Variants in RSPO1 observed in about 807,000 individuals in gnomAD.
RSPO1 encodes R-spondin-1.
Under a neutral mutation model 26.0 loss-of-function variants are expected in RSPO1, and 18 were observed. The observed-to-expected ratio is 0.69, with a 90% CI of 0.48 to 1.03. RSPO1 has a LOEUF of 1.03. RSPO1 is among the 50% of genes least tolerant of loss of function. RSPO1 has a pLI of 0.00. For missense variants in RSPO1, 309 were observed against 352.3 expected (o/e 0.88, Z 0.98); for synonymous variants, 133 against 137.4 (o/e 0.97, Z 0.22).
In RSPO1 at chr1:37,614,352, G is replaced by C; in HGVS notation, c.287-19C>G. 1 of 1,613,082 alleles carries C rather than the reference G, an allele frequency of 6.2e-7. No homozygotes were observed. Among genetic ancestry groups the C allele is most frequent in the African/African-American group, 1.3e-5 (1 of 75,008 alleles). ...TTGCATTCTGAGGAGAGGACAGATT[G>C]GGGGCTTCTGGCCCAGCCTGGTGAG... is the stretch of plus-strand genomic sequence containing the variant. On this transcript the variant is annotated intron_variant, in intron 4 of 6. Transcript: ENST00000356545.
chr1:37,624,231 G>T (rs968579634), intron 3 of RSPO1, among the ~76,000 whole-genome samples: 1 of 152,108 alleles, frequency 6.6e-6, no homozygotes, highest in Non-Finnish European at 1.5e-5. Context: ...GACCAGCCTT[G>T]GCAACATAGT....
intron 2 of RSPO1, chr1:37,632,040 G>A (rs1435974509): frequency 6.6e-6 from 1 of 152,154 alleles, no homozygotes; most frequent in Non-Finnish European, 1.5e-5. Flanking sequence ...AGACAAACTT[G>A]GTGTTAACCC....
chr1:37,613,682 G>A lies in RSPO1; in HGVS notation c.625+22C>T, dbSNP rs1378873314. ...GCTGGTGCCTGAGCCCTGACCCCAG[G>A]GAGGCAGAGGCTGCAGCTCACCCTC... is the stretch of plus-strand genomic sequence containing the variant. On this transcript the variant is annotated intron_variant, in intron 6 of 6. Coordinates refer to ENST00000356545, the MANE Select transcript of RSPO1 (RefSeq NM_001242908.2). The surrounding 1 kb of genome is among the most constrained non-coding windows in gnomAD (Gnocchi z 4.5). The A allele has an allele frequency of 6.2e-7, 1 of 1,600,414 alleles. No homozygotes were observed. Among genetic ancestry groups the A allele is most frequent in the East Asian group, 2.2e-5 (1 of 44,712 alleles).
At chr1:37,628,921 A>G (rs1644317245) in intron 3 of RSPO1, among the ~76,000 whole-genome samples, 1 of 152,216 alleles carries the variant, frequency 6.6e-6, no homozygotes, top group Non-Finnish European at 1.5e-5. Flanking sequence ...GATGCTCATT[A>G]CCAAAAGCAG....
At position 37,625,757 on chromosome 1, in the gene RSPO1, C is replaced by T. The variant is rs111669485; in HGVS notation, c.94+3811G>A. 4.4e-3 allele frequency among the ~76,000 whole-genome samples: 662 copies of T among 151,874 alleles called. 6 individuals are homozygous for T. Among genetic ancestry groups the T allele is most frequent in the African/African-American group, 0.015 (633 of 41,414 alleles). ...GTAATGGCACAATCTCAGTTCACTG[C>T]AACCTCCGCCTCCCAGGTACAAGCG... On this transcript the variant is annotated intron_variant, in intron 3 of 6. Coordinates refer to ENST00000356545, the MANE Select transcript of RSPO1 (RefSeq NM_001242908.2).
chr1:37,621,956 C>T (rs892126156), intron 3 of RSPO1, among the ~76,000 whole-genome samples: 3 of 151,930 alleles, frequency 2.0e-5, no homozygotes, highest in African/African-American at 4.8e-5. Context: ...CACATGCCAC[C>T]GTGCTTGGCT....
intron 2 of RSPO1, among the ~76,000 whole-genome samples, chr1:37,631,228 C>T (rs1267007225): frequency 4.6e-5 from 7 of 152,194 alleles, no homozygotes; most frequent in Admixed American, 4.6e-4. Context: ...TTGGCCTCTC[C>T]CGCTGGCTTT....
chr1:37,628,173 T>TTC (rs956488723), intron 3 of RSPO1, among the ~76,000 whole-genome samples: 3 of 150,914 alleles, frequency 2.0e-5, no homozygotes, highest in South Asian at 2.1e-4. Context: ...GTTCCTCCCA[T>TTC]TCTCTCTCTC....
At chr1:37,628,163 G>T (rs1644305607) in intron 3 of RSPO1, among the ~76,000 whole-genome samples, 1 of 152,098 alleles carries the variant, frequency 6.6e-6, no homozygotes, top group Non-Finnish European at 1.5e-5. Context: ...AATGTGAATG[G>T]TTCCTCCCAT....
intron 4 of RSPO1, among the ~76,000 whole-genome samples, chr1:37,615,984 T>G (rs572086378): frequency 1.6e-4 from 25 of 152,264 alleles, no homozygotes; most frequent in African/African-American, 5.5e-4. Context: ...AGATAGGTTG[T>G]GTGTCTCAGA....
rs772904202 is a variant in RSPO1 at position 37,613,780 on chromosome 1, A to AG, written c.548dup (p.Val184CysfsTer9). 1 of 1,614,028 alleles carries AG rather than the reference A, an allele frequency of 6.2e-7. No individual in the cohort carries two copies. The highest frequency in any genetic ancestry group is 8.5e-7 in the Non-Finnish European group (1 of 1,179,998). The stretch of plus-strand genomic sequence containing the variant: ...CAGAGCAGGCAGCATGGTCCCCCAC[A>AG]GGGGCATGTAGCACCCTGCGTGTCC... On this transcript the variant is annotated frameshift_variant, in exon 6 of 7. Transcript: ENST00000356545. LOFTEE classifies it high-confidence loss of function. This position sits in a 1 kb window ranked among gnomAD's most constrained non-coding sequence, Gnocchi z 4.5.
intron 2 of RSPO1, among the ~76,000 whole-genome samples, chr1:37,631,223 C>T (rs1047679427): frequency 6.6e-6 from 1 of 152,170 alleles, no homozygotes; most frequent in Non-Finnish European, 1.5e-5. Context: ...CCTCCTTGGC[C>T]TCTCCCGCTG....
At chr1:37,633,752 C>G (rs777720820) in intron 1 of RSPO1, among the ~76,000 whole-genome samples, 10 of 152,246 alleles carry the variant, frequency 6.6e-5, no homozygotes, top group South Asian at 4.1e-4. Context: ...CCGTGCCCCC[C>G]CTCCAAAAGC....
chr1:37,618,925 C>A (rs145740744), intron 3 of RSPO1, among the ~76,000 whole-genome samples: 1 of 152,098 alleles, frequency 6.6e-6, no homozygotes, highest in African/African-American at 2.4e-5. Flanking sequence ...AGAAGGGCAA[C>A]AAGAGCCAGG....
At chr1:37,621,802 GTTT>G (rs112427832) in intron 3 of RSPO1, among the ~76,000 whole-genome samples, 1 of 140,608 alleles carries the variant, frequency 7.1e-6, no homozygotes. Flanking sequence ...TCTTTTAAGA[GTTT>G]TTTTTTTTTT....
intron 3 of RSPO1, 91 bp from the exon 4 acceptor site, chr1:37,616,766 G>A: frequency 1.7e-6 from 2 of 1,202,178 alleles, no homozygotes; most frequent in Non-Finnish European, 2.5e-6. Flanking sequence ...ATAGATCGAT[G>A]TTTCCTTCCA....
At chr1:37,630,131 C>T (rs891713346) in intron 2 of RSPO1, among the ~76,000 whole-genome samples, 182 bp from the exon 3 acceptor site, 4 of 152,208 alleles carry the variant, frequency 2.6e-5, no homozygotes, top group African/African-American at 7.2e-5. Flanking sequence ...TAACCTGGGA[C>T]CGGAGCCGGC....
At position 37,634,086 on chromosome 1, in the gene RSPO1, C is replaced by T. The variant is rs1357032650; in HGVS notation, c.-356+480G>A. Among the ~76,000 whole-genome samples, 1 of 152,162 alleles carries T rather than the reference C, an allele frequency of 6.6e-6. No individual in the cohort carries two copies. Among genetic ancestry groups the T allele is most frequent in the Non-Finnish European group, 1.5e-5 (1 of 68,012 alleles). On this transcript the variant is annotated intron_variant, in intron 1 of 6. Transcript: ENST00000356545. This position sits in a 1 kb window ranked among gnomAD's most constrained non-coding sequence, Gnocchi z 4.7. ...CGCCAGACCCCGAGGGCCAGGGAGC[C>T]GCGCCACTTCGCTGCGCACCGGGGG...
intron 4 of RSPO1, among the ~76,000 whole-genome samples, chr1:37,614,802 G>A (rs1279129311): frequency 2.0e-5 from 3 of 152,220 alleles, no homozygotes; most frequent in Admixed American, 2.0e-4. Flanking sequence ...TCATTGCTGG[G>A]CATCTGCAAT....
Sources: gnomAD v4.1 joint callset for allele counts (sites outside exome capture counted in the v4.1 genomes callset) on GRCh38, gnomAD v4.1.1 for gene constraint, Gnocchi (gnomAD v3.1) non-coding constraint, MANE v1.5 for transcripts, NCBI Gene and HGNC (gene_info 2026-07-23, HGNC 2026-07-21) for gene names.